The following PHKB variants were observed in gnomAD, a reference collection of about 807,000 sequenced individuals.
The protein encoded by PHKB is phosphorylase b kinase regulatory subunit beta.
PHKB carries 122 observed loss-of-function variants against 152.1 expected under a neutral mutation model. The observed-to-expected ratio is 0.80, with a 90% CI of 0.69 to 0.93. The LOEUF (loss-of-function observed/expected upper bound fraction) is 0.93. PHKB is among the 40% of genes least tolerant of loss of function. The pLI, the probability that PHKB is intolerant of heterozygous loss-of-function variation, is 0.00. For missense variants in PHKB, 1,304 were observed against 1,328.4 expected (o/e 0.98, Z 0.29); for synonymous variants, 436 against 464.9 (o/e 0.94, Z 0.80).
chr16:47,528,700 T>TC (rs903798659), intron 6 of PHKB, among the ~76,000 whole-genome samples: 3 of 150,198 alleles, frequency 2.0e-5, no homozygotes, highest in African/African-American at 4.9e-5. Context: ...CTTTTTCTTT[T>TC]TTTTTTTTTT....
intron 14 of PHKB, among the ~76,000 whole-genome samples, chr16:47,618,536 A>G (rs757155961): frequency 4.6e-5 from 7 of 152,206 alleles, no homozygotes; most frequent in African/African-American, 1.4e-4. Flanking sequence ...CTAAATAATT[A>G]TGATGTCCCC....
chr16:47,508,045 A>G (rs905412419), intron 4 of PHKB, among the ~76,000 whole-genome samples: 1 of 152,236 alleles, frequency 6.6e-6, no homozygotes, highest in African/African-American at 2.4e-5. Context: ...AAGTAAAATC[A>G]TGACCTAGAA....
intron 6 of PHKB, among the ~76,000 whole-genome samples, chr16:47,520,149 T>C (rs1236921727): frequency 6.6e-6 from 1 of 152,212 alleles, no homozygotes; most frequent in Admixed American, 6.5e-5. Context: ...TATTCTTAGC[T>C]CCTGCTTGTC....
At chr16:47,681,089 T>A (rs1365409139) in intron 26 of PHKB, among the ~76,000 whole-genome samples, 2 of 152,144 alleles carry the variant, frequency 1.3e-5, no homozygotes, top group African/African-American at 4.8e-5. Flanking sequence ...TTTGAGTGAG[T>A]TTCTTAATCC....
At chr16:47,475,376 A>T (rs991761521) in intron 1 of PHKB, among the ~76,000 whole-genome samples, 3 of 152,164 alleles carry the variant, frequency 2.0e-5, no homozygotes, top group Non-Finnish European at 4.4e-5. Flanking sequence ...TTGACCACAG[A>T]TCTCGATGTC....
At chr16:47,582,959 A>G (rs1311108327) in intron 8 of PHKB, among the ~76,000 whole-genome samples, 19 of 151,828 alleles carry the variant, frequency 1.3e-4, no homozygotes, top group Non-Finnish European at 7.4e-5. Context: ...ACCACACCCG[A>G]CTAATTTTTG....
At chr16:47,538,101 C>T (rs532150677) in intron 6 of PHKB, among the ~76,000 whole-genome samples, 79 of 152,068 alleles carry the variant, frequency 5.2e-4, no homozygotes, top group African/African-American at 1.6e-3. Flanking sequence ...TGCTATGTTG[C>T]CTAGGCTGGT....
chr16:47,618,609 T>C (rs928278245), intron 14 of PHKB, among the ~76,000 whole-genome samples: 1 of 152,236 alleles, frequency 6.6e-6, no homozygotes, highest in African/African-American at 2.4e-5. Context: ...GAAAGTCATA[T>C]TTGAAAGAAA....
intron 14 of PHKB, among the ~76,000 whole-genome samples, chr16:47,639,417 C>T (rs1332729819): frequency 6.6e-6 from 1 of 152,196 alleles, no homozygotes; most frequent in East Asian, 1.9e-4. Flanking sequence ...TTCTTTCTCT[C>T]AATGGTGAAT....
chr16:47,567,092 A>G (rs1004406766), intron 7 of PHKB, among the ~76,000 whole-genome samples: 1 of 152,192 alleles, frequency 6.6e-6, no homozygotes, highest in African/African-American at 2.4e-5. Flanking sequence ...TTGGTTGCAT[A>G]TGAACCTTAG....
chr16:47,497,191 A>G (rs111632206), intron 1 of PHKB, among the ~76,000 whole-genome samples: 1,714 of 152,256 alleles, frequency 0.011, 40 homozygotes, highest in African/African-American at 0.039. Flanking sequence ...ATCCCATGAC[A>G]TTTCAAGTTC....
intron 14 of PHKB, among the ~76,000 whole-genome samples, chr16:47,624,528 A>G (rs964121361): frequency 3.3e-5 from 5 of 152,186 alleles, no homozygotes; most frequent in Non-Finnish European, 5.9e-5. Context: ...TCTAATTACA[A>G]TTGGAACTCT....
chr16:47,528,519 A>T (rs1970804052), intron 6 of PHKB, among the ~76,000 whole-genome samples: 1 of 152,134 alleles, frequency 6.6e-6, no homozygotes, highest in African/African-American at 2.4e-5. Context: ...TGATGATGTT[A>T]GTATGAATAA....
chr16:47,508,560 A>G (rs1013038346), intron 4 of PHKB, among the ~76,000 whole-genome samples: 7 of 152,184 alleles, frequency 4.6e-5, no homozygotes, highest in African/African-American at 4.8e-5. Context: ...TTTTAAGGCT[A>G]TAAGTTAAAA....
In PHKB at chr16:47,660,534, A is replaced by C. The variant is rs781500982; in HGVS notation, c.2000A>C (p.Gln667Pro). 1.2e-6 allele frequency: 2 copies of C among 1,613,900 alleles called. No individual in the cohort carries two copies. Among genetic ancestry groups the C allele is most frequent in the Non-Finnish European group, 8.5e-7 (1 of 1,179,800 alleles). Residue 667 changes from glutamine (Q) to proline (P), a missense_variant, in exon 21 of 31, where the codon CAA (glutamine) becomes CCA (proline). Gln to Pro is a moderately conservative substitution (Grantham distance 76). Transcript: ENST00000323584. Reference sequence around the variant, plus strand: ...CTAATATCTGGAGCTGTGGTAGAACAACTTGATTTCCTACGAATCAGTGAC... The same window carrying C: ...CTAATATCTGGAGCTGTGGTAGAACCACTTGATTTCCTACGAATCAGTGAC... Reference protein sequence around the residue: ...QTLISGAVVEQLDFLRISDTE... With the variant: ...QTLISGAVVEPLDFLRISDTE...
At chr16:47,646,541 AAAACATT>A (rs1973128115) in intron 16 of PHKB, among the ~76,000 whole-genome samples, 1 of 148,346 alleles carries the variant, frequency 6.7e-6, no homozygotes. Context: ...AAAAAAAAAA[AAAACATT>A]AAAAATAAAA....
rs1180967304 is a variant in PHKB at position 47,699,749 on chromosome 16, A to C, written c.*383A>C. On this transcript the variant is annotated 3_prime_UTR_variant, in exon 31 of 31. Coordinates refer to ENST00000323584, the MANE Select transcript of PHKB (RefSeq NM_000293.3). ...AAATAAATTTGCCAACTAGTAATGC[A>C]TACTGGAAATCAAAAGATACTGAAA... 3.7e-6 allele frequency: 1 copy of C among 268,532 alleles called. No individual in the cohort carries two copies. The allele number at this position is 268,532 out of a possible 1,614,324, so 16.6% of individuals were successfully genotyped here. A position where few individuals can be genotyped will look rare whatever the true frequency, so the allele number is the denominator to read the frequency against.
chr16:47,664,934 A>G lies in PHKB; in HGVS notation c.2386A>G (p.Ile796Val), dbSNP rs776058296. The G allele has an allele frequency of 3.7e-6, 6 of 1,613,772 alleles. No individual in the cohort carries two copies. The highest frequency in any genetic ancestry group is 2.2e-5 in the East Asian group (1 of 44,870). ...ATTTACCCAGAAATTTTCTTCCTCTATAGCCCCACACATTACTACTTTTCT... is the reference window on the plus strand; with the variant it reads ...ATTTACCCAGAAATTTTCTTCCTCTGTAGCCCCACACATTACTACTTTTCT... ...AAFTQKFSSS[I>V]APHITTFLVH... The change falls in exon 25 of 31, where the codon ATA becomes GTA. Residue 796 changes from isoleucine to valine, a missense_variant. Coordinates refer to ENST00000323584, the MANE Select transcript of PHKB (RefSeq NM_000293.3).
At position 47,666,167 on chromosome 16, in the gene PHKB, C is replaced by G. The variant is rs1436116692; in HGVS notation, c.2427+1192C>G. On this transcript the variant is annotated intron_variant, in intron 25 of 30. Transcript: ENST00000323584. ...AGATTTATAAGGGCTCAGGCACTTT[C>G]TATCAAAGTCTCCTTCCCCAAGCAA... 9.8e-6 allele frequency: 7 copies of G among 717,844 alleles called. No individual in the cohort carries two copies. The East Asian group carries it at 1.9e-4, about 19-fold the overall frequency. 44.5% of individuals were successfully genotyped at this position (717,844 alleles called of 1,614,324 possible). A position where few individuals can be genotyped will look rare whatever the true frequency, so the allele number is the denominator to read the frequency against.
Sources: gnomAD v4.1 joint callset for allele counts (sites outside exome capture counted in the v4.1 genomes callset) on GRCh38, gnomAD v4.1.1 for gene constraint, MANE v1.5 for transcripts, NCBI Gene and HGNC (gene_info 2026-07-23, HGNC 2026-07-21) for gene names.